THSD7B: variants seen among roughly 807,000 people sequenced by gnomAD.
The protein encoded by THSD7B is thrombospondin type 1 domain containing 7B.
A neutral mutation model predicts 213.6 loss-of-function variants in THSD7B; 138 were observed. That is an observed-to-expected ratio of 0.65 (90% CI 0.56 to 0.74). The LOEUF is 0.74. Ranked by LOEUF, THSD7B falls within the 30% of genes least tolerant of loss-of-function variation. The pLI is 0.00. For synonymous variants in THSD7B, 742 were observed against 687.0 expected (o/e 1.08, Z -1.25); for missense variants, 1,931 against 1,991.5 (o/e 0.97, Z 0.58).
At chr2:137,240,500 A>ACT (rs554154408) in intron 9 of THSD7B, among the ~76,000 whole-genome samples, 14 of 143,330 alleles carry the variant, frequency 9.8e-5, no homozygotes, top group Middle Eastern at 3.5e-3. Context: ...TTTTTCTCTC[A>ACT]CTCTCTCTCT....
intron 17 of THSD7B, among the ~76,000 whole-genome samples, chr2:137,575,742 A>ATATATATATATATATATATATTTTTTTT (rs1235744133): frequency 6.8e-6 from 1 of 147,328 alleles, no homozygotes; most frequent in South Asian, 2.2e-4. Flanking sequence ...ATATATATAT[A>ATATATATATATATATATATATTTTTTTT]TTTTTACTTT....
At chr2:136,840,196 T>C (rs1682901452) in intron 1 of THSD7B, among the ~76,000 whole-genome samples, 1 of 151,906 alleles carries the variant, frequency 6.6e-6, no homozygotes, top group South Asian at 2.1e-4. Flanking sequence ...CTGGCCAACA[T>C]GGTGAAATCC....
At position 136,814,555 on chromosome 2, in the gene THSD7B, C is replaced by T. The variant is rs376032400; in HGVS notation, c.-36+48868C>T. ...CTGGGACTACAGGCGCCTGCCACCA[C>T]GCCTGGCTAATTTTTTGTAATTTTA... is the stretch of plus-strand genomic sequence containing the variant. On this transcript the variant is annotated intron_variant, in intron 1 of 27. Coordinates refer to ENST00000409968, the MANE Select transcript of THSD7B (RefSeq NM_001316349.2). Among the ~76,000 whole-genome samples the T allele has an allele frequency of 4.1e-3, 627 of 152,124 alleles. 6 individuals carry two copies. Among genetic ancestry groups the T allele is most frequent in the Middle Eastern group, 0.014 (4 of 294 alleles).
chr2:137,253,538 T>C (rs978740430), intron 10 of THSD7B, among the ~76,000 whole-genome samples: 1 of 152,224 alleles, frequency 6.6e-6, no homozygotes, highest in African/African-American at 2.4e-5. Flanking sequence ...CTTTACAAAA[T>C]GCTTTTGCTT....
At chr2:137,474,018 T>G (rs564332835) in intron 15 of THSD7B, among the ~76,000 whole-genome samples, 2 of 152,322 alleles carry the variant, frequency 1.3e-5, no homozygotes, top group South Asian at 4.1e-4. Flanking sequence ...CTGTAGAATT[T>G]GTTTAAAAGA....
intron 12 of THSD7B, among the ~76,000 whole-genome samples, chr2:137,386,579 C>A (rs1186674943): frequency 6.6e-6 from 1 of 152,180 alleles, no homozygotes; most frequent in Non-Finnish European, 1.5e-5. Context: ...TGGTCGGAAT[C>A]AACTTCAGGA....
rs144129563 is a variant in THSD7B, at chr2:137,012,897, A to G, written c.140-43523A>G. ...TTTTTTCCAAATATGTCTCTGGACA[A>G]CTGGACAGAAACTACCTGGAGTATA... On this transcript the variant is annotated intron_variant, in intron 2 of 27. Transcript: ENST00000409968. Among the ~76,000 whole-genome samples the G allele has an allele frequency of 6.3e-3, 959 of 152,356 alleles. 12 individuals carry two copies. The highest frequency in any genetic ancestry group is 0.022 in the African/African-American group (919 of 41,576).
intron 17 of THSD7B, among the ~76,000 whole-genome samples, chr2:137,609,635 G>A (rs186970155): frequency 2.7e-4 from 41 of 152,326 alleles, no homozygotes; most frequent in African/African-American, 9.4e-4. Context: ...TGCTGGACCC[G>A]ATTGTGTATA....
intron 7 of THSD7B, among the ~76,000 whole-genome samples, chr2:137,200,793 C>T (rs929436659): frequency 6.6e-6 from 1 of 150,502 alleles, no homozygotes; most frequent in Admixed American, 6.6e-5. Context: ...GACTCAACTT[C>T]CCAAGTAGCT....
chr2:137,577,401 C>A (rs1681486408), intron 17 of THSD7B, among the ~76,000 whole-genome samples: 1 of 152,082 alleles, frequency 6.6e-6, no homozygotes, highest in African/African-American at 2.4e-5. Flanking sequence ...TTCTTTCTTA[C>A]ACAGTCTGAT....
chr2:137,629,080 G>T (rs1682691362), intron 20 of THSD7B, among the ~76,000 whole-genome samples: 1 of 152,028 alleles, frequency 6.6e-6, no homozygotes. Context: ...CACAGTTATT[G>T]GCACACTGAA....
chr2:137,417,633 A>G (rs1467244184), intron 14 of THSD7B, among the ~76,000 whole-genome samples: 1 of 151,768 alleles, frequency 6.6e-6, no homozygotes, highest in Non-Finnish European at 1.5e-5. Context: ...AGGTCTCCCT[A>G]TGTTGCTCAC....
chr2:136,906,691 T>G (rs763089578), intron 2 of THSD7B: 19 of 152,286 alleles, frequency 1.2e-4, no homozygotes, highest in Middle Eastern at 3.4e-3. Flanking sequence ...GACAGGTGAC[T>G]CTGCATGAAG....
At chr2:137,548,216 G>A (rs1680778258) in intron 15 of THSD7B, among the ~76,000 whole-genome samples, 1 of 151,978 alleles carries the variant, frequency 6.6e-6, no homozygotes, top group African/African-American at 2.4e-5. Flanking sequence ...TCCTCACAAC[G>A]ATGTTGGTGA....
rs887434666 is a variant in THSD7B at position 137,335,131 on chromosome 2, C to G, written c.2500+59105C>G. 6.6e-5 allele frequency among the ~76,000 whole-genome samples: 10 copies of G among 152,084 alleles called. 1 individual carries two copies. Among genetic ancestry groups the G allele is most frequent in the African/African-American group, 1.9e-4 (8 of 41,412 alleles). On this transcript the variant is annotated intron_variant, in intron 12 of 27. Coordinates refer to ENST00000409968, the MANE Select transcript of THSD7B (RefSeq NM_001316349.2). ...GAATGGACTAATCCAGTAACCTACC[C>G]CAGAAACTTTGTATTTCTATGGGAA... is the stretch of plus-strand genomic sequence containing the variant.
chr2:136,919,580 T>G (rs1684401071), intron 2 of THSD7B, among the ~76,000 whole-genome samples: 1 of 152,216 alleles, frequency 6.6e-6, no homozygotes, highest in African/African-American at 2.4e-5. Context: ...AAAATTGAAG[T>G]TCAGGGGACT....
At chr2:137,525,397 C>G (rs1018160326) in intron 15 of THSD7B, among the ~76,000 whole-genome samples, 1 of 152,116 alleles carries the variant, frequency 6.6e-6, no homozygotes, top group Non-Finnish European at 1.5e-5. Context: ...TTTTGACAGG[C>G]AGTTTATGAG....
At chr2:137,152,818 T>A (rs1679843860) in intron 5 of THSD7B, among the ~76,000 whole-genome samples, 2 of 152,294 alleles carry the variant, frequency 1.3e-5, no homozygotes, top group South Asian at 4.1e-4. Flanking sequence ...CATTGCATAT[T>A]TCTGCCCTTG....
intron 3 of THSD7B, among the ~76,000 whole-genome samples, chr2:137,073,645 C>G (rs539811273): frequency 2.0e-5 from 3 of 152,088 alleles, no homozygotes; most frequent in Non-Finnish European, 2.9e-5. Flanking sequence ...TCTGTTTGCT[C>G]TTGCTTCTCT....
Sources: gnomAD v4.1 joint callset for allele counts (sites outside exome capture counted in the v4.1 genomes callset) on GRCh38, gnomAD v4.1.1 for gene constraint, MANE v1.5 for transcripts, NCBI Gene and HGNC (gene_info 2026-07-23, HGNC 2026-07-21) for gene names.